Variants in TCF20 observed in about 807,000 individuals in gnomAD.
TCF20 encodes the protein transcription factor 20.
A neutral mutation model predicts 148.6 loss-of-function variants in TCF20; 3 were observed. That is an observed-to-expected ratio of 0.02 (90% CI 0.01 to 0.05). The LOEUF (loss-of-function observed/expected upper bound fraction) is 0.05. Ranked by LOEUF, TCF20 falls within the 10% of genes least tolerant of loss-of-function variation. The pLI, the probability that TCF20 is intolerant of heterozygous loss-of-function variation, is 1.00. For missense variants in TCF20, 2,350 were observed against 2,429.3 expected, an observed-to-expected ratio of 0.97 and a Z score of 0.69; for synonymous variants, 1,049 against 909.5, an observed-to-expected ratio of 1.15 and a Z score of -2.76.
chr22:42,283,662 C>A (rs1163053868), intron 1 of TCF20, among the ~76,000 whole-genome samples: 1 of 151,958 alleles, frequency 6.6e-6, no homozygotes, highest in Non-Finnish European at 1.5e-5. Flanking sequence ...TAAAGGCCGC[C>A]CGGGAGGCCC....
chr22:42,252,654 T>C (rs1925475194), intron 1 of TCF20, among the ~76,000 whole-genome samples: 1 of 152,186 alleles, frequency 6.6e-6, no homozygotes, highest in Non-Finnish European at 1.5e-5. Flanking sequence ...CTTCACCTTG[T>C]TGGCCAGGAT....
At position 42,230,417 on chromosome 22, in the gene TCF20, CTA is replaced by C. The variant is rs1427804554; in HGVS notation, c.-36-15078_-36-15077del. On this transcript the variant is annotated intron_variant, in intron 1 of 5. Coordinates refer to ENST00000677622, the MANE Select transcript of TCF20 (RefSeq NM_001378418.1). ...ACAGTACATAATACTTGAAAATAAA[CTA>C]TGTTACTGGTTTACATATCCTATGT... 5.9e-5 allele frequency among the ~76,000 whole-genome samples: 9 copies of C among 152,228 alleles called. 1 individual carries two copies. The East Asian group carries it at 7.7e-4, about 13-fold the overall frequency.
chr22:42,169,960 G>A lies in TCF20; in HGVS notation c.5750-64C>T, dbSNP rs1487447992. On this transcript the variant is annotated intron_variant, in intron 3 of 5. Transcript: ENST00000677622. ...AGCTGGACATAGGTGTGGTCATGCTGGCTGGGATTGACAGGGTCAGACATA... is the reference window on the plus strand; with the variant it reads ...AGCTGGACATAGGTGTGGTCATGCTAGCTGGGATTGACAGGGTCAGACATA... The A allele has an allele frequency of 3.2e-6, 5 of 1,558,676 alleles. No individual in the cohort carries two copies. The African/African-American group carries it at 6.8e-5, about 21-fold the overall frequency.
At chr22:42,224,662 A>T (rs2147257635) in intron 1 of TCF20, among the ~76,000 whole-genome samples, 1 of 152,060 alleles carries the variant, frequency 6.6e-6, no homozygotes, top group African/African-American at 2.4e-5. Context: ...AGTAATATGT[A>T]TTAGAAGAAA....
intron 3 of TCF20, among the ~76,000 whole-genome samples, chr22:42,178,433 T>C (rs944191585): frequency 6.6e-6 from 1 of 150,816 alleles, no homozygotes; most frequent in Non-Finnish European, 1.5e-5. Context: ...CTAACTCTGC[T>C]TAGTATCAGA....
At position 42,237,700 on chromosome 22, in the gene TCF20, G is replaced by C. The variant is rs369330888; in HGVS notation, c.-36-22359C>G. On this transcript the variant is annotated intron_variant, in intron 1 of 5. Coordinates refer to ENST00000677622, the MANE Select transcript of TCF20 (RefSeq NM_001378418.1). The stretch of plus-strand genomic sequence containing the variant: ...ATGATTCCTTGATCCAGGGGCTGCA[G>C]AATAGATGTTGTGTTAGCAAGCATG... 4.1e-3 allele frequency among the ~76,000 whole-genome samples: 627 copies of C among 152,334 alleles called. 4 individuals are homozygous for C. The highest frequency in any genetic ancestry group is 0.015 in the African/African-American group (606 of 41,560).
intron 1 of TCF20, among the ~76,000 whole-genome samples, chr22:42,296,816 C>T (rs557838147): frequency 4.2e-4 from 64 of 152,318 alleles, no homozygotes; most frequent in Non-Finnish European, 8.1e-4. Flanking sequence ...GGCCCCGTCG[C>T]CATTTATTCA....
chr22:42,209,001 A>G (rs1014422781), intron 2 of TCF20, among the ~76,000 whole-genome samples: 1 of 152,198 alleles, frequency 6.6e-6, no homozygotes, highest in Non-Finnish European at 1.5e-5. Context: ...AGGGATGAAA[A>G]ATTAGAATGG....
At chr22:42,256,215 TAC>T (rs1029280785) in intron 1 of TCF20, among the ~76,000 whole-genome samples, 9 of 152,228 alleles carry the variant, frequency 5.9e-5, no homozygotes, top group African/African-American at 1.9e-4. Flanking sequence ...CAATCATTCA[TAC>T]GTTTGATAAA....
chr22:42,282,691 C>G (rs1926927945), intron 1 of TCF20, among the ~76,000 whole-genome samples: 1 of 152,156 alleles, frequency 6.6e-6, no homozygotes, highest in Admixed American at 6.5e-5. Context: ...GGGCAGAGAC[C>G]TGGGAGGGAG....
rs1935574538 is a variant in TCF20 at position 42,163,259 on chromosome 22, AGCT to A, written c.*45-1904_*45-1902del. Among the ~76,000 whole-genome samples, 5 of 152,308 alleles carry A rather than the reference AGCT, an allele frequency of 3.3e-5. No homozygotes were observed. In the South Asian group the frequency reaches 6.2e-4, roughly 19 times the overall value. On this transcript the variant is annotated intron_variant, in intron 5 of 5. Coordinates refer to ENST00000677622, the MANE Select transcript of TCF20 (RefSeq NM_001378418.1). ...GTCTGCCTGGCCAGTTGGCTCTGCGAGCTGCTACTTGTGGGCCCCTCCCTGGGG... is the reference window on the plus strand; with the variant it reads ...GTCTGCCTGGCCAGTTGGCTCTGCGAGCTACTTGTGGGCCCCTCCCTGGGG...
chr22:42,215,140 C>CACTGCCACTGCCACTGCTGCCACT lies in TCF20; in HGVS notation c.142_165dup (p.Ser48_Ser55dup). The CACTGCCACTGCCACTGCTGCCACT allele has an allele frequency of 6.2e-7, 1 of 1,606,850 alleles. No individual in the cohort carries two copies. Among genetic ancestry groups the CACTGCCACTGCCACTGCTGCCACT allele is most frequent in the Non-Finnish European group, 8.5e-7 (1 of 1,173,564 alleles). ...GCTGCTGCTCCTCGTCGTCCACCAC[C>CACTGCCACTGCCACTGCTGCCACT]ACTGCCACTGCCACTGCTGCCACTA... On this transcript the variant is annotated inframe_insertion, in exon 2 of 6. Transcript: ENST00000677622.
At chr22:42,189,732 TCTC>T (rs1254723132) in intron 2 of TCF20, among the ~76,000 whole-genome samples, 1 of 152,218 alleles carries the variant, frequency 6.6e-6, no homozygotes, top group Non-Finnish European at 1.5e-5. Flanking sequence ...TCATTTTACT[TCTC>T]CTAAAGTAGA....
chr22:42,241,840 A>C (rs1371064907), intron 1 of TCF20, among the ~76,000 whole-genome samples: 1 of 151,932 alleles, frequency 6.6e-6, no homozygotes, highest in Admixed American at 6.6e-5. Context: ...GTCTCAAAAA[A>C]ACGCAGATTA....
chr22:42,210,403 T>C lies in TCF20; in HGVS notation c.4903A>G (p.Ile1635Val), dbSNP rs368604405. 4 of 1,614,100 alleles carry C rather than the reference T, an allele frequency of 2.5e-6. No homozygotes were observed. In the African/African-American group the frequency reaches 5.3e-5, roughly 22 times the overall value. Residue 1635 changes from isoleucine (I) to valine (V), a missense_variant, in exon 2 of 6, where the codon ATC becomes GTC. Physicochemically the swap from Ile to Val is conservative, Grantham distance 29. Coordinates refer to ENST00000677622, the MANE Select transcript of TCF20 (RefSeq NM_001378418.1). This position sits in a 1 kb window ranked among gnomAD's most constrained non-coding sequence, Gnocchi z 4.7. The stretch of plus-strand genomic sequence containing the variant: ...AGTTCACACTTATTTACTACATGGA[T>C]GTAAGGGTAAAAAGACTTGTTCTTG... ...DAKNKSFYPY[I>V]HVVNKCELGA...
intron 1 of TCF20, among the ~76,000 whole-genome samples, chr22:42,283,303 G>A (rs762813099): frequency 4.3e-4 from 65 of 152,194 alleles, no homozygotes; most frequent in Non-Finnish European, 6.9e-4. Context: ...GAGGGGGGGA[G>A]AGGGAGCAGC....
chr22:42,175,185 GGCTCTT>G (rs985020346), intron 3 of TCF20, among the ~76,000 whole-genome samples: 1 of 152,140 alleles, frequency 6.6e-6, no homozygotes, highest in African/African-American at 2.4e-5. Context: ...GCAACTGGTT[GGCTCTT>G]TTAAAAACTT....
At position 42,281,350 on chromosome 22, in the gene TCF20, T is replaced by C. The variant is rs5758696; in HGVS notation, c.-37+2477A>G. Among the ~76,000 whole-genome samples the C allele has an allele frequency of 0.012, 1,825 of 152,304 alleles. 262 individuals carry two copies. The East Asian group carries it at 0.31, about 26-fold the overall frequency. Reference sequence around the variant, plus strand: ...GGGTCCAAAGAAGGCGAGTTTGCAATGACTGCGGTGTCCATGTGGCACCGC... The same window carrying C: ...GGGTCCAAAGAAGGCGAGTTTGCAACGACTGCGGTGTCCATGTGGCACCGC... On this transcript the variant is annotated intron_variant, in intron 1 of 5. Transcript: ENST00000359486.
At position 42,250,106 on chromosome 22, in the gene TCF20, G is replaced by A. The variant is rs540927545; in HGVS notation, c.-37+20233C>T. ...GCCTGTGAATAGTCACTGCACTCCAGCATGGGCAACATAGCTAGAAGACTA... is the reference window on the plus strand; with the variant it reads ...GCCTGTGAATAGTCACTGCACTCCAACATGGGCAACATAGCTAGAAGACTA... On this transcript the variant is annotated intron_variant, in intron 1 of 5. Transcript: ENST00000677622. Among the ~76,000 whole-genome samples, 72 of 152,176 alleles carry A rather than the reference G, an allele frequency of 4.7e-4. 1 individual carries two copies. Among genetic ancestry groups the A allele is most frequent in the Admixed American group, 2.1e-3 (32 of 15,278 alleles).
Sources: allele counts gnomAD v4.1 joint callset (sites outside exome capture counted in the v4.1 genomes callset), GRCh38; gene constraint gnomAD v4.1.1; non-coding constraint Gnocchi (gnomAD v3.1); transcripts MANE v1.5; gene names NCBI Gene and HGNC (gene_info 2026-07-23, HGNC 2026-07-21).